The following NLRP12 variants were observed in gnomAD, a reference collection of about 807,000 sequenced individuals.
The protein encoded by NLRP12 is NLR family pyrin domain containing 12.
In NLRP12, 108 loss-of-function variants were observed where a neutral mutation model predicts 91.2. The observed-to-expected ratio is 1.18, with a 90% CI of 1.01 to 1.39. The LOEUF is 1.39. Ranked by LOEUF, NLRP12 falls within the 40% of genes most tolerant of loss-of-function variation. NLRP12 has a pLI of 0.00. For missense variants in NLRP12, 1,530 were observed against 1,352.7 expected, an observed-to-expected ratio of 1.13 and a Z score of -2.06; for synonymous variants, 613 against 566.7, an observed-to-expected ratio of 1.08 and a Z score of -1.16.
chr19:53,823,967 A>G lies in NLRP12; in HGVS notation c.208T>C (p.Trp70Arg). 1 of 1,614,128 alleles carries G rather than the reference A, an allele frequency of 6.2e-7. No individual in the cohort carries two copies. The highest frequency in any genetic ancestry group is 8.5e-7 in the Non-Finnish European group (1 of 1,180,042). ...TCAAAGGTGCTGAGAGCCAACCTCCAGGCCTCCTCTGGCCCGAAGTGGGTG... is the reference window on the plus strand; with the variant it reads ...TCAAAGGTGCTGAGAGCCAACCTCCGGGCCTCCTCTGGCCCGAAGTGGGTG... ...LITHFGPEEA[W>R]RLALSTFERI... Residue 70 changes from tryptophan to arginine, a missense_variant, in exon 1 of 10, where the codon TGG becomes CGG. Trp to Arg is a moderately radical substitution (Grantham distance 101, BLOSUM62 -3). Transcript: ENST00000324134.
intron 3 of NLRP12, 46 bp downstream of exon 3, chr19:53,809,541 A>AAAAAAAC: frequency 2.1e-6 from 3 of 1,425,764 alleles, no homozygotes; most frequent in Non-Finnish European, 1.9e-6. Context: ...AAAAAAAAAA[A>AAAAAAAC]CACACGAACC....
At position 53,814,991 on chromosome 19, in the gene NLRP12, G is replaced by A; in HGVS notation, c.290-3C>T. 6.2e-7 allele frequency: 1 copy of A among 1,612,346 alleles called. No individual in the cohort carries two copies. Among genetic ancestry groups the A allele is most frequent in the Non-Finnish European group, 8.5e-7 (1 of 1,178,428 alleles). ...GGACGGGCCACCAGGTGGGGTATCT[G>A]GAAGAGAAATTGTGGAAGATGAGCT... On this transcript the variant is annotated splice_polypyrimidine_tract_variant and splice_region_variant and intron_variant, in intron 1 of 9. Coordinates refer to ENST00000324134, the MANE Select transcript of NLRP12 (RefSeq NM_144687.4).
At position 53,810,339 on chromosome 19, in the gene NLRP12, C is replaced by G. The variant is rs1389704813; in HGVS notation, c.1320G>C (p.Leu440=). The G allele has an allele frequency of 6.2e-7, 1 of 1,613,600 alleles. No homozygotes were observed. Among genetic ancestry groups the G allele is most frequent in the Non-Finnish European group, 8.5e-7 (1 of 1,180,016 alleles). The change falls in exon 3 of 10, where the codon CTG becomes CTC. Residue 440 remains leucine, a synonymous_variant. Coordinates refer to ENST00000324134, the MANE Select transcript of NLRP12 (RefSeq NM_144687.4). ...TTTAVYMLYL[L]SLMQPKPGAP... is the part of the protein sequence containing the mutation. ...CCCCCGGCTTGGGTTGCATCAGACT[C>G]AGCAGGTAGAGCATGTACACTGCAG...
At chr19:53,803,659 C>T (rs966984707) in intron 6 of NLRP12, 7 of 395,580 alleles carry the variant, frequency 1.8e-5, no homozygotes, top group East Asian at 6.2e-5. Context: ...CTGCAACTTC[C>T]GCCTCTCAGG....
intron 7 of NLRP12, 117 bp downstream of exon 7, chr19:53,801,110 A>AAAGG: frequency 1.2e-6 from 1 of 856,686 alleles, no homozygotes; most frequent in Non-Finnish European, 1.8e-6. Flanking sequence ...AAAAAAAAAA[A>AAAGG]GGCTGATGTA....
At chr19:53,797,696 C>T (rs1273763123) in intron 8 of NLRP12, among the ~76,000 whole-genome samples, 1 of 151,662 alleles carries the variant, frequency 6.6e-6, no homozygotes, top group Non-Finnish European at 1.5e-5. Context: ...GGATTGCAGG[C>T]ATTAAGCTAC....
At chr19:53,802,851 G>A (rs1200453978) in intron 6 of NLRP12, among the ~76,000 whole-genome samples, 1 of 152,128 alleles carries the variant, frequency 6.6e-6, no homozygotes, top group Non-Finnish European at 1.5e-5. Flanking sequence ...ACAGCTCACT[G>A]CAGCCTTGGC....
In NLRP12 at chr19:53,823,765, G is replaced by T. The variant is rs1448815710; in HGVS notation, c.289+121C>A. ...GAGCCTCACTATGTTGTCCAGACTG[G>T]TCTTGAACTCCTCACCTCAAGTGAT... is the stretch of plus-strand genomic sequence containing the variant. On this transcript the variant is annotated intron_variant, in intron 1 of 9. Coordinates refer to ENST00000324134, the MANE Select transcript of NLRP12 (RefSeq NM_144687.4). 8 of 1,131,368 alleles carry T rather than the reference G, an allele frequency of 7.1e-6. No individual in the cohort carries two copies. In the Admixed American group the frequency reaches 1.2e-4, roughly 17 times the overall value. 70.1% of individuals were successfully genotyped at this position (1,131,368 alleles called of 1,614,324 possible). A position where few individuals can be genotyped will look rare whatever the true frequency, so the allele number is the denominator to read the frequency against.
At chr19:53,819,639 A>G (rs2092234040) in intron 1 of NLRP12, among the ~76,000 whole-genome samples, 1 of 141,914 alleles carries the variant, frequency 7.0e-6, no homozygotes, top group African/African-American at 2.6e-5. Context: ...GTATATATGT[A>G]TGTATACGTA....
At chr19:53,824,317 G>T (rs190223587), upstream of NLRP12, 1,125 of 770,354 alleles carry the variant, frequency 1.5e-3, 3 homozygotes, top group Non-Finnish European at 2.2e-3. Flanking sequence ...GGAGGAGAGA[G>T]CAAGGGAGGA....
chr19:53,813,299 C>CTTTTTTTTTTTTTTTTTTTTTTTT (rs1160039078), intron 2 of NLRP12, among the ~76,000 whole-genome samples: 16 of 86,034 alleles, frequency 1.9e-4, no homozygotes, highest in South Asian at 4.0e-4. Context: ...TTTTTCTTTT[C>CTTTTTTTTTTTTTTTTTTTTTTTT]TTTTTTTTTT....
rs775788855 is a variant in NLRP12, at chr19:53,805,275, C to T, written c.2414+5G>A. ...AAGAAGTTGCTCCCGGGGATAGAGA[C>T]TCACTGAATCATCTGCAGCCTGCAC... On this transcript the variant is annotated splice_donor_5th_base_variant and intron_variant, in intron 5 of 9. Coordinates refer to ENST00000324134, the MANE Select transcript of NLRP12 (RefSeq NM_144687.4). The T allele has an allele frequency of 4.3e-6, 7 of 1,613,830 alleles. No individual in the cohort carries two copies. In the South Asian group the frequency reaches 7.7e-5, roughly 18 times the overall value.
Position 53,810,776 on chromosome 19 carries a change from C to A in NLRP12, c.883G>T (p.Gly295Cys). 6.2e-7 allele frequency: 1 copy of A among 1,613,954 alleles called. No individual in the cohort carries two copies. Among genetic ancestry groups the A allele is most frequent in the Non-Finnish European group, 8.5e-7 (1 of 1,179,960 alleles). ...AAAGAAGGCTTGAGCTCATCGAAGC[C>A]GTCGATGATGAAAAGGAGGCGCTCG... The part of the protein sequence containing the change: ...VPERLLFIID[G>C]FDELKPSFHD... Residue 295 changes from glycine to cysteine, a missense_variant, in exon 3 of 10, where the codon GGC (glycine) becomes TGC (cysteine). Coordinates refer to ENST00000324134, the MANE Select transcript of NLRP12 (RefSeq NM_144687.4).
rs1568702840 is a variant in NLRP12, at chr19:53,823,447, T to TAAATATATATTTTA, written c.289+425_289+438dup. Among the ~76,000 whole-genome samples the TAAATATATATTTTA allele has an allele frequency of 2.9e-4, 19 of 66,008 alleles. No homozygotes were observed. The East Asian group carries it at 3.3e-3, about 11-fold the overall frequency. The allele number at this position is 66,008 out of a possible 152,430, so 43.3% of individuals were successfully genotyped here. On this transcript the variant is annotated intron_variant, in intron 1 of 9. Transcript: ENST00000324134. ...ATATATATATTTAAAATATATGTTT[T>TAAATATATATTTTA]AAATATATATTTTAAATATATATTT... is the stretch of plus-strand genomic sequence containing the variant.
In NLRP12 at chr19:53,819,449, A is replaced by ATGTG. The variant is rs1489362788; in HGVS notation, c.289+4436_289+4437insCACA. On this transcript the variant is annotated intron_variant, in intron 1 of 9. Transcript: ENST00000324134. ...TATATATATATATATATATATATAT[A>ATGTG]TATATATATGTGTGTGTGTGTGTGT... 1.3e-3 allele frequency among the ~76,000 whole-genome samples: 18 copies of ATGTG among 14,066 alleles called. 2 individuals carry two copies. The highest frequency in any genetic ancestry group is 2.4e-3 in the Non-Finnish European group (14 of 5,868). The allele number at this position is 14,066 out of a possible 152,430, so 9.2% of individuals were successfully genotyped here.
At position 53,796,217 on chromosome 19, in the gene NLRP12, C is replaced by T. The variant is rs114434802; in HGVS notation, c.2928-188G>A. On this transcript the variant is annotated intron_variant, in intron 8 of 9. Coordinates refer to ENST00000324134, the MANE Select transcript of NLRP12 (RefSeq NM_144687.4). ...GAGTAGCTGGGATTACAGGTGTGCA[C>T]CACCACCAATTAGCATGGCTAATTT... 2,825 of 648,574 alleles carry T rather than the reference C, an allele frequency of 4.4e-3. 59 individuals are homozygous for T. The African/African-American group carries it at 0.044, about 10-fold the overall frequency. 40.2% of individuals were successfully genotyped at this position (648,574 alleles called of 1,614,324 possible). A position where few individuals can be genotyped will look rare whatever the true frequency, so the allele number is the denominator to read the frequency against.
rs760154172 is a variant in NLRP12 at position 53,794,002 on chromosome 19, A to G, written c.*47T>C. The G allele has an allele frequency of 3.0e-6, 4 of 1,344,300 alleles. No homozygotes were observed. Among genetic ancestry groups the G allele is most frequent in the Admixed American group, 1.7e-5 (1 of 59,644 alleles). The allele number at this position is 1,344,300 out of a possible 1,614,324, so 83.3% of individuals were successfully genotyped here. On this transcript the variant is annotated 3_prime_UTR_variant, in exon 10 of 10. Coordinates refer to ENST00000324134, the MANE Select transcript of NLRP12 (RefSeq NM_144687.4). ...CTGGGGGGGTGATGAGCACCCTCCC[A>G]TCTTCCTCTGTCCAGATCTCAGGGG...
At chr19:53,818,534 G>A (rs1023025269) in intron 1 of NLRP12, among the ~76,000 whole-genome samples, 6 of 151,640 alleles carry the variant, frequency 4.0e-5, no homozygotes, top group African/African-American at 1.2e-4. Flanking sequence ...GCGTGGTGGC[G>A]GGTGCCTGTA....
Position 53,809,898 on chromosome 19 carries a change from G to A in NLRP12, c.1761C>T (p.Ile587=). Residue 587 remains isoleucine, a synonymous_variant, in exon 3 of 10, where the codon ATC becomes ATT. Coordinates refer to ENST00000324134, the MANE Select transcript of NLRP12 (RefSeq NM_144687.4). ...GGATCCACTGCAACAGGTCCATCTT[G>A]ATGTGCGGCGAGACCTTCCAGCAGA... ...KSLCWKVSPH[I]KMDLLQWIQS... is the part of the protein sequence containing the mutation. The A allele has an allele frequency of 6.2e-7, 1 of 1,614,096 alleles. No individual in the cohort carries two copies. Among genetic ancestry groups the A allele is most frequent in the Non-Finnish European group, 8.5e-7 (1 of 1,180,042 alleles).
Sources: allele counts gnomAD v4.1 joint callset (sites outside exome capture counted in the v4.1 genomes callset), GRCh38; gene constraint gnomAD v4.1.1; transcripts MANE v1.5; gene names NCBI Gene and HGNC (gene_info 2026-07-23, HGNC 2026-07-21).